TTLL11: variants seen among roughly 807,000 people sequenced by gnomAD.
The protein encoded by TTLL11 is tubulin polyglutamylase TTLL11.
Under a neutral mutation model 51.7 loss-of-function variants are expected in TTLL11, and 42 were observed. That is an observed-to-expected ratio of 0.81 (90% CI 0.64 to 1.05). The LOEUF (loss-of-function observed/expected upper bound fraction) is 1.05, where lower values mean the gene tolerates loss of function less well. TTLL11 is among the 50% of genes least tolerant of loss of function. The pLI is 0.00. For missense variants in TTLL11, 799 were observed against 940.4 expected (o/e 0.85, Z 1.97); for synonymous variants, 381 against 383.5 (o/e 0.99, Z 0.08).
intron 6 of TTLL11, among the ~76,000 whole-genome samples, chr9:121,967,349 C>T (rs999756745): frequency 5.3e-5 from 8 of 150,430 alleles, no homozygotes; most frequent in Admixed American, 1.3e-4. Flanking sequence ...CTCAGCCTCC[C>T]GAGTAGCTGG....
In TTLL11 at chr9:121,979,047, T is replaced by C. The variant is rs141346937; in HGVS notation, c.1270-4068A>G. ...ATAGAATAGGGCAGAAATGATGAAA[T>C]GTCACCTCTAATATTGGGTTATAAA... On this transcript the variant is annotated intron_variant, in intron 4 of 8. Coordinates refer to ENST00000321582, the MANE Select transcript of TTLL11 (RefSeq NM_001139442.2). Among the ~76,000 whole-genome samples, 8 of 152,262 alleles carry C rather than the reference T, an allele frequency of 5.3e-5. 1 individual carries two copies. The South Asian group carries it at 1.2e-3, about 24-fold the overall frequency.
intron 3 of TTLL11, among the ~76,000 whole-genome samples, chr9:122,018,108 A>AC (rs1564360110): frequency 3.9e-5 from 5 of 128,090 alleles, no homozygotes; most frequent in Non-Finnish European, 6.4e-5. Flanking sequence ...TAATAATGCC[A>AC]CTTTTTTTTT....
rs1357298192 is a variant in TTLL11 at position 121,822,717 on chromosome 9, G to A, written c.2003C>T (p.Ser668Leu). The change falls in exon 9 of 9, where the codon TCG becomes TTG. Residue 668 changes from serine to leucine, a missense_variant. Physicochemically the swap from Ser to Leu is moderately radical, Grantham distance 145. Around this residue, in one of 3 missense-constraint regions of TTLL11, gnomAD observed 165 missense variants for 166.1 expected, o/e 0.99. Transcript: ENST00000321582. The surrounding 1 kb of genome is among the most constrained non-coding windows in gnomAD (Gnocchi z 5.8). ...GCCACGGTGTGGGGGCCGGCCCCCCGACGGGACGCCCCGGCCACACACCAG... is the reference window on the plus strand; with the variant it reads ...GCCACGGTGTGGGGGCCGGCCCCCCAACGGGACGCCCCGGCCACACACCAG... ...KRLVCGRGVP[S>L]GGRPPHRGPP... is the part of the protein sequence containing the mutation. 1.7e-5 allele frequency: 27 copies of A among 1,550,896 alleles called. No homozygotes were observed. The highest frequency in any genetic ancestry group is 3.6e-5 in the South Asian group (3 of 84,032).
intron 1 of TTLL11, among the ~76,000 whole-genome samples, chr9:122,054,267 C>G (rs1252460365): frequency 6.6e-6 from 1 of 151,874 alleles, no homozygotes; most frequent in African/African-American, 2.4e-5. Flanking sequence ...AAATTGTTAC[C>G]AAACAATTTA....
intron 1 of TTLL11, among the ~76,000 whole-genome samples, chr9:122,078,887 G>A (rs2131912142): frequency 6.6e-6 from 1 of 151,946 alleles, no homozygotes; most frequent in Middle Eastern, 3.4e-3. Flanking sequence ...TGTTCTTCAG[G>A]AAAATATTCA....
At chr9:121,907,069 C>T (rs1839973395) in intron 6 of TTLL11, among the ~76,000 whole-genome samples, 1 of 152,170 alleles carries the variant, frequency 6.6e-6, no homozygotes, top group Admixed American at 6.5e-5. Context: ...CAAGGAGCCT[C>T]CTGACCCCTT....
At chr9:121,916,987 G>A (rs1257251808) in intron 6 of TTLL11, among the ~76,000 whole-genome samples, 7 of 152,134 alleles carry the variant, frequency 4.6e-5, no homozygotes, top group African/African-American at 1.7e-4. Flanking sequence ...AGGTAGCCAT[G>A]CTCTTCCTAA....
rs1843042871 is a variant in TTLL11 at position 121,989,516 on chromosome 9, T to C, written c.948A>G (p.Lys316=). 6.2e-7 allele frequency: 1 copy of C among 1,614,100 alleles called. No homozygotes were observed. Among genetic ancestry groups the C allele is most frequent in the African/African-American group, 1.3e-5 (1 of 75,016 alleles). Residue 316 remains lysine, a synonymous_variant, in exon 4 of 9, where the codon AAA becomes AAG. Transcript: ENST00000321582. This position sits in a 1 kb window ranked among gnomAD's most constrained non-coding sequence, Gnocchi z 4.2. ...SLDPLEIYIA[K]DGLSRFCTEP... ...CGGTACAAAACCTAGAGAGTCCGTC[T>C]TTGGCTATATAAATCTCTAAGGGGT... is the stretch of plus-strand genomic sequence containing the variant.
Position 121,822,604 on chromosome 9 carries a change from T to A in TTLL11, c.2116A>T (p.Arg706Ter). ...AGTGGCCCTCAGGACAGGGTATGTC[T>A]GGGATGGGAGAGCTTATTGGCACAG... ...TSCANKLSHP[R>*]HTLS Residue 706 changes from arginine to a stop codon, truncating the protein, a stop_gained, in exon 9 of 9, where the codon AGA (arginine) becomes TGA (stop). Coordinates refer to ENST00000321582, the MANE Select transcript of TTLL11 (RefSeq NM_001139442.2). LOFTEE classifies it high-confidence loss of function. This position sits in a 1 kb window ranked among gnomAD's most constrained non-coding sequence, Gnocchi z 5.8. 1 of 1,471,296 alleles carries A rather than the reference T, an allele frequency of 6.8e-7. No individual in the cohort carries two copies. Among genetic ancestry groups the A allele is most frequent in the Non-Finnish European group, 9.0e-7 (1 of 1,110,978 alleles). The allele number at this position is 1,471,296 out of a possible 1,614,324, so 91.1% of individuals were successfully genotyped here.
At chr9:121,990,290 G>T (rs1843073314) in intron 3 of TTLL11, among the ~76,000 whole-genome samples, 1 of 152,174 alleles carries the variant, frequency 6.6e-6, no homozygotes, top group South Asian at 2.1e-4. Context: ...CACTGGCCCT[G>T]CTCCTTACCC....
At chr9:121,904,675 T>C (rs1385684343) in intron 6 of TTLL11, among the ~76,000 whole-genome samples, 1 of 152,162 alleles carries the variant, frequency 6.6e-6, no homozygotes, top group Non-Finnish European at 1.5e-5. Flanking sequence ...TGGAGCCAGG[T>C]CAATTTCTTC....
At chr9:121,865,489 C>T (rs774009743) in intron 7 of TTLL11, among the ~76,000 whole-genome samples, 4 of 152,074 alleles carry the variant, frequency 2.6e-5, no homozygotes, top group Non-Finnish European at 4.4e-5. Flanking sequence ...GCTGCCATCA[C>T]GAAAAATGCA....
chr9:121,863,199 T>C (rs973371040), intron 7 of TTLL11, among the ~76,000 whole-genome samples: 3 of 152,220 alleles, frequency 2.0e-5, no homozygotes, highest in Non-Finnish European at 4.4e-5. Flanking sequence ...CACATGTCAA[T>C]GGACGCGGAG....
intron 3 of TTLL11, among the ~76,000 whole-genome samples, chr9:122,024,127 A>C (rs1170721106): frequency 1.3e-5 from 2 of 152,186 alleles, no homozygotes; most frequent in Non-Finnish European, 2.9e-5. Flanking sequence ...ATCAATACAC[A>C]AAAAGCAATT....
intron 8 of TTLL11, among the ~76,000 whole-genome samples, chr9:121,843,617 C>T (rs10760193): frequency 0.5 from 75,788 of 151,944 alleles, 20,312 homozygotes; most frequent in East Asian, 0.72. Flanking sequence ...CTAGAGCACT[C>T]TCCATAACAA....
chr9:121,904,444 G>T (rs1839867635), intron 6 of TTLL11, among the ~76,000 whole-genome samples: 1 of 152,194 alleles, frequency 6.6e-6, no homozygotes, highest in Admixed American at 6.5e-5. Context: ...AAAAGTGCTG[G>T]GATTACAGGC....
chr9:121,826,314 T>TTATA lies in TTLL11; in HGVS notation c.1841-3439_1841-3436dup, dbSNP rs201255541. Among the ~76,000 whole-genome samples the TTATA allele has an allele frequency of 6.5e-4, 60 of 91,820 alleles. 2 individuals are homozygous for TTATA. The highest frequency in any genetic ancestry group is 2.0e-3 in the African/African-American group (48 of 23,572). The allele number at this position is 91,820 out of a possible 152,430, so 60.2% of individuals were successfully genotyped here. A position where few individuals can be genotyped will look rare whatever the true frequency, so the allele number is the denominator to read the frequency against. On this transcript the variant is annotated intron_variant, in intron 8 of 8. Coordinates refer to ENST00000321582, the MANE Select transcript of TTLL11 (RefSeq NM_001139442.2). Reference sequence around the variant, plus strand: ...TGTGGGTGTATATATATATATGGGTTTATATATATATATGGGTTTATATAT... The same window carrying TTATA: ...TGTGGGTGTATATATATATATGGGTTTATATATATATATATATGGGTTTATATAT...
chr9:121,996,737 C>T (rs1274186562), intron 3 of TTLL11, among the ~76,000 whole-genome samples: 1 of 152,244 alleles, frequency 6.6e-6, no homozygotes, highest in Non-Finnish European at 1.5e-5. Context: ...CTGAAGAAAT[C>T]TTTCAGAAGA....
intron 1 of TTLL11, among the ~76,000 whole-genome samples, chr9:122,059,167 T>C (rs1394861486): frequency 6.6e-6 from 1 of 152,188 alleles, no homozygotes; most frequent in Admixed American, 6.5e-5. Flanking sequence ...CATTGTGGGA[T>C]TAAGACTCAG....
Sources: gnomAD v4.1 joint callset for allele counts (sites outside exome capture counted in the v4.1 genomes callset) on GRCh38, gnomAD v4.1.1 for gene constraint, gnomAD v4.1.1 regional missense constraint, Gnocchi (gnomAD v3.1) non-coding constraint, MANE v1.5 for transcripts, NCBI Gene and HGNC (gene_info 2026-07-23, HGNC 2026-07-21) for gene names.